SMTNL2: variants seen among roughly 807,000 people sequenced by gnomAD.
SMTNL2 encodes the protein smoothelin-like protein 2.
SMTNL2 carries 43 observed loss-of-function variants against 44.1 expected under a neutral mutation model. That is an observed-to-expected ratio of 0.98 (90% CI 0.76 to 1.26). The LOEUF (loss-of-function observed/expected upper bound fraction) is 1.26. Ranked by LOEUF, SMTNL2 falls within the 50% of genes most tolerant of loss-of-function variation. The pLI is 0.00. For synonymous variants in SMTNL2, 317 were observed against 287.6 expected (o/e 1.10, Z -1.03); for missense variants, 646 against 670.2 (o/e 0.96, Z 0.40).
chr17:4,607,735 G>C lies in SMTNL2; in HGVS notation c.*248G>C. ...GGAAAAGGAAAAATTATGAGAGAGA[G>C]AGAGACATTGGTGCTAAGTAATGAT... is the stretch of plus-strand genomic sequence containing the variant. On this transcript the variant is annotated 3_prime_UTR_variant, in exon 8 of 8. Coordinates refer to ENST00000389313, the MANE Select transcript of SMTNL2 (RefSeq NM_001114974.2). The surrounding 1 kb of genome is among the most constrained non-coding windows in gnomAD (Gnocchi z 4.7). 2.7e-5 allele frequency: 12 copies of C among 442,794 alleles called. No homozygotes were observed. Among genetic ancestry groups the C allele is most frequent in the Non-Finnish European group, 3.2e-5 (8 of 252,852 alleles). The allele number at this position is 442,794 out of a possible 1,614,324, so 27.4% of individuals were successfully genotyped here. A position where few individuals can be genotyped will look rare whatever the true frequency, so the allele number is the denominator to read the frequency against.
intron 7 of SMTNL2, among the ~76,000 whole-genome samples, chr17:4,606,163 C>CCAGGCTGGAGTGCAATCG (rs1434344712): frequency 1.6e-4 from 25 of 152,198 alleles, no homozygotes; most frequent in African/African-American, 5.3e-4. Context: ...TGCTCTGCCC[C>CCAGGCTGGAGTGCAATCG]CAGGCTGGAG....
rs1215130649 is a variant in SMTNL2 at position 4,595,262 on chromosome 17, C to T, written c.924C>T (p.Arg308=). 1 of 1,613,242 alleles carries T rather than the reference C, an allele frequency of 6.2e-7. No homozygotes were observed. Among genetic ancestry groups the T allele is most frequent in the Admixed American group, 1.7e-5 (1 of 60,016 alleles). ...RELVRSQTLP[R]TSEAQARKAL... Reference sequence around the variant, plus strand: ...TGGTGAGGTCGCAGACGCTGCCCCGCACCTCGGAGGCGCAGGCCCGGAAAG... The same window carrying T: ...TGGTGAGGTCGCAGACGCTGCCCCGTACCTCGGAGGCGCAGGCCCGGAAAG... Residue 308 remains arginine, a synonymous_variant, in exon 5 of 8, where the codon CGC becomes CGT. Coordinates refer to ENST00000389313, the MANE Select transcript of SMTNL2 (RefSeq NM_001114974.2). This position sits in a 1 kb window ranked among gnomAD's most constrained non-coding sequence, Gnocchi z 5.1.
At chr17:4,590,218 C>T (rs62066427) in intron 1 of SMTNL2, among the ~76,000 whole-genome samples, 16,143 of 152,058 alleles carry the variant, frequency 0.11, 1,062 homozygotes, top group Non-Finnish European at 0.16. Flanking sequence ...CCACCCGCCT[C>T]GGCCTCCCAA....
At chr17:4,593,967 G>T (rs538148957) in intron 4 of SMTNL2, 70 bp downstream of exon 4, 1 of 1,559,210 alleles carries the variant, frequency 6.4e-7, no homozygotes, top group Admixed American at 1.7e-5. Context: ...GACGCAGGCC[G>T]CCCAGGGTTG....
At position 4,592,686 on chromosome 17, in the gene SMTNL2, T is replaced by C. The variant is rs767218277; in HGVS notation, c.487+238T>C. 6.6e-6 allele frequency among the ~76,000 whole-genome samples: 1 copy of C among 151,972 alleles called. No individual in the cohort carries two copies. Among genetic ancestry groups the C allele is most frequent in the Non-Finnish European group, 1.5e-5 (1 of 67,964 alleles). ...TCTCCTGTTTCTAGAGGAAAGCAAA[T>C]AGAGGCTGAGGAGCCGACTAGTATT... On this transcript the variant is annotated intron_variant, in intron 2 of 7. Transcript: ENST00000389313. This position sits in a 1 kb window ranked among gnomAD's most constrained non-coding sequence, Gnocchi z 4.5.
chr17:4,596,964 C>A lies in SMTNL2; in HGVS notation c.1094C>A (p.Thr365Lys). 6.6e-7 allele frequency: 1 copy of A among 1,513,644 alleles called. No individual in the cohort carries two copies. The highest frequency in any genetic ancestry group is 8.9e-7 in the Non-Finnish European group (1 of 1,124,156). The allele number at this position is 1,513,644 out of a possible 1,614,324, so 93.8% of individuals were successfully genotyped here. A position where few individuals can be genotyped will look rare whatever the true frequency, so the allele number is the denominator to read the frequency against. Residue 365 changes from threonine to lysine, a missense_variant, in exon 6 of 8, where the codon ACG becomes AAG. By Grantham distance (78) the Thr-to-Lys change is moderately conservative (BLOSUM62 -1). Transcript: ENST00000389313. ...QILLEWCRSK[T>K]LGYQHVDLQN... ...CTGCTCGAGTGGTGCCGCAGCAAGACGCTGGGCTACCAGGTGAGCCCCGGC... is the reference window on the plus strand; with the variant it reads ...CTGCTCGAGTGGTGCCGCAGCAAGAAGCTGGGCTACCAGGTGAGCCCCGGC...
chr17:4,603,286 C>A (rs1910121535), intron 7 of SMTNL2, among the ~76,000 whole-genome samples: 1 of 151,976 alleles, frequency 6.6e-6, no homozygotes, highest in African/African-American at 2.4e-5. Flanking sequence ...AGTTAAGGAA[C>A]CAGAGCTGTT....
rs1246186228 is a variant in SMTNL2 at position 4,595,781 on chromosome 17, C to T, written c.989+454C>T. Among the ~76,000 whole-genome samples, 1 of 152,224 alleles carries T rather than the reference C, an allele frequency of 6.6e-6. No homozygotes were observed. The highest frequency in any genetic ancestry group is 1.5e-5 in the Non-Finnish European group (1 of 68,038). On this transcript the variant is annotated intron_variant, in intron 5 of 7. Coordinates refer to ENST00000389313, the MANE Select transcript of SMTNL2 (RefSeq NM_001114974.2). The surrounding 1 kb of genome is among the most constrained non-coding windows in gnomAD (Gnocchi z 5.1). Reference sequence around the variant, plus strand: ...AGGACCGAAGGTGATGCCACGGGGCCGAGTGGCCTCCAGCCTGCTACTAGG... The same window carrying T: ...AGGACCGAAGGTGATGCCACGGGGCTGAGTGGCCTCCAGCCTGCTACTAGG...
In SMTNL2 at chr17:4,607,572, G is replaced by C; in HGVS notation, c.*85G>C. ...GATTCCCCAGCCAGGATGCCCCCAG[G>C]AGCCTTGCCGTTTGGTGTGAGCGCG... On this transcript the variant is annotated 3_prime_UTR_variant, in exon 8 of 8. Coordinates refer to ENST00000389313, the MANE Select transcript of SMTNL2 (RefSeq NM_001114974.2). The surrounding 1 kb of genome is among the most constrained non-coding windows in gnomAD (Gnocchi z 4.7). 6.4e-7 allele frequency: 1 copy of C among 1,558,726 alleles called. No homozygotes were observed. The highest frequency in any genetic ancestry group is 8.7e-7 in the Non-Finnish European group (1 of 1,150,266).
At chr17:4,589,430 T>G (rs1220917317) in intron 1 of SMTNL2, among the ~76,000 whole-genome samples, 1 of 152,126 alleles carries the variant, frequency 6.6e-6, no homozygotes, top group Non-Finnish European at 1.5e-5. Context: ...CTCCTCCCCC[T>G]GCCGACATGG....
intron 7 of SMTNL2, among the ~76,000 whole-genome samples, chr17:4,605,061 T>C (rs1283302913): frequency 6.6e-6 from 1 of 152,026 alleles, no homozygotes; most frequent in African/African-American, 2.4e-5. Flanking sequence ...TGATCTCACA[T>C]TCAGGCCTCT....
At chr17:4,594,367 T>G (rs2150521739) in intron 4 of SMTNL2, among the ~76,000 whole-genome samples, 1 of 152,122 alleles carries the variant, frequency 6.6e-6, no homozygotes, top group Non-Finnish European at 1.5e-5. Context: ...GAGAATCGCT[T>G]GAACTCGGGA....
Position 4,592,062 on chromosome 17 carries a change from G to A in SMTNL2, c.400-299G>A, listed in dbSNP as rs914327504. On this transcript the variant is annotated intron_variant, in intron 1 of 7. Coordinates refer to ENST00000389313, the MANE Select transcript of SMTNL2 (RefSeq NM_001114974.2). The surrounding 1 kb of genome is among the most constrained non-coding windows in gnomAD (Gnocchi z 4.5). The stretch of plus-strand genomic sequence containing the variant: ...TCTGGTCCAGCCTGGGGGAAAAGGT[G>A]AGGGGGCCTAATGTCATTGGAACCC... Among the ~76,000 whole-genome samples the A allele has an allele frequency of 1.3e-5, 2 of 152,220 alleles. No individual in the cohort carries two copies. The highest frequency in any genetic ancestry group is 4.1e-4 in the South Asian group (2 of 4,822).
chr17:4,589,783 C>T (rs1909492086), intron 1 of SMTNL2, among the ~76,000 whole-genome samples: 1 of 151,992 alleles, frequency 6.6e-6, no homozygotes, highest in South Asian at 2.1e-4. Flanking sequence ...CTCTGGGACC[C>T]CTCTGCTAGG....
At position 4,600,126 on chromosome 17, in the gene SMTNL2, G is replaced by T. The variant is rs1013031481; in HGVS notation, c.1259+2803G>T. ...CGTAAGATTATCTCCCAGGTACTAGGGGGAGAGGGCTGGGAAGACTGGCTC... is the reference window on the plus strand; with the variant it reads ...CGTAAGATTATCTCCCAGGTACTAGTGGGAGAGGGCTGGGAAGACTGGCTC... On this transcript the variant is annotated intron_variant, in intron 7 of 7. Coordinates refer to ENST00000389313, the MANE Select transcript of SMTNL2 (RefSeq NM_001114974.2). The surrounding 1 kb of genome is among the most constrained non-coding windows in gnomAD (Gnocchi z 4.7). 6.6e-6 allele frequency among the ~76,000 whole-genome samples: 1 copy of T among 152,306 alleles called. No homozygotes were observed. Among genetic ancestry groups the T allele is most frequent in the African/African-American group, 2.4e-5 (1 of 41,564 alleles).
rs1056408233 is a variant in SMTNL2 at position 4,596,718 on chromosome 17, G to A, written c.990-142G>A. ...CGTGGGCACAGCTGAGCCCACGTGTGCCACCAGCATCTCCCCTGGGTGAGC... is the reference window on the plus strand; with the variant it reads ...CGTGGGCACAGCTGAGCCCACGTGTACCACCAGCATCTCCCCTGGGTGAGC... On this transcript the variant is annotated intron_variant, in intron 5 of 7. Transcript: ENST00000389313. 1.2e-5 allele frequency: 8 copies of A among 641,780 alleles called. No individual in the cohort carries two copies. In the African/African-American group the frequency reaches 1.3e-4, roughly 11 times the overall value. 39.8% of individuals were successfully genotyped at this position (641,780 alleles called of 1,614,324 possible). A position where few individuals can be genotyped will look rare whatever the true frequency, so the allele number is the denominator to read the frequency against.
At chr17:4,586,734 G>A (rs1420377720) in intron 1 of SMTNL2, among the ~76,000 whole-genome samples, 2 of 152,180 alleles carry the variant, frequency 1.3e-5, no homozygotes, top group Admixed American at 1.3e-4. Context: ...GATGGTCCAA[G>A]GAGAAAGGAA....
At chr17:4,584,484 C>T (rs962166248), upstream of SMTNL2, 1 of 1,126,608 alleles carries the variant, frequency 8.9e-7, no homozygotes, top group Non-Finnish European at 1.1e-6. Flanking sequence ...CGCCCCGCGC[C>T]CGCCTCCCCG....
In SMTNL2 at chr17:4,600,842, C is replaced by T. The variant is rs911574623; in HGVS notation, c.1259+3519C>T. Among the ~76,000 whole-genome samples, 2 of 152,196 alleles carry T rather than the reference C, an allele frequency of 1.3e-5. No homozygotes were observed. The highest frequency in any genetic ancestry group is 6.5e-5 in the Admixed American group (1 of 15,282). ...GGGAATGTGTCCTGCTCTCGGGTTACGCTGGAGCAGAAGGGCCTTCCAGGC... is the reference window on the plus strand; with the variant it reads ...GGGAATGTGTCCTGCTCTCGGGTTATGCTGGAGCAGAAGGGCCTTCCAGGC... On this transcript the variant is annotated intron_variant, in intron 7 of 7. Transcript: ENST00000389313. The surrounding 1 kb of genome is among the most constrained non-coding windows in gnomAD (Gnocchi z 4.7).
Sources: gnomAD v4.1 joint callset for allele counts (sites outside exome capture counted in the v4.1 genomes callset) on GRCh38, gnomAD v4.1.1 for gene constraint, Gnocchi (gnomAD v3.1) non-coding constraint, MANE v1.5 for transcripts, NCBI Gene and HGNC (gene_info 2026-07-23, HGNC 2026-07-21) for gene names.